Variants in MYO5C observed in about 807,000 individuals in gnomAD.
MYO5C encodes the protein myosin VC.
Under a neutral mutation model 235.7 loss-of-function variants are expected in MYO5C, and 194 were observed. The ratio of observed to expected loss-of-function variants is 0.82; its 90% CI spans 0.73 to 0.93. The LOEUF is 0.93. Ranked by LOEUF, MYO5C falls within the 40% of genes least tolerant of loss-of-function variation. The pLI is 0.00. For synonymous variants in MYO5C, 707 were observed against 754.8 expected, an observed-to-expected ratio of 0.94 and a Z score of 1.04; for missense variants, 2,038 against 2,127.2, an observed-to-expected ratio of 0.96 and a Z score of 0.82.
chr15:52,245,399 G>A lies in MYO5C; in HGVS notation c.2133C>T (p.Ser711=), dbSNP rs375020829. 27 of 1,614,048 alleles carry A rather than the reference G, an allele frequency of 1.7e-5. No individual in the cohort carries two copies. Among genetic ancestry groups the A allele is most frequent in the Non-Finnish European group, 2.3e-5 (27 of 1,180,026 alleles). Residue 711 remains serine (S), a synonymous_variant, in exon 18 of 41, where the codon AGC becomes AGT. Coordinates refer to ENST00000261839, the MANE Select transcript of MYO5C (RefSeq NM_018728.4). The part of the protein sequence containing the change: ...ILMTKQELSF[S]DKKEVCKVVL... Reference sequence around the variant, plus strand: ...CCACCTTGCACACCTCCTTTTTATCGCTGAAGGAAAGCTCTTGCTTGGTCA... The same window carrying A: ...CCACCTTGCACACCTCCTTTTTATCACTGAAGGAAAGCTCTTGCTTGGTCA...
At chr15:52,280,259 T>C (rs955726911) in intron 2 of MYO5C, among the ~76,000 whole-genome samples, 3 of 152,216 alleles carry the variant, frequency 2.0e-5, no homozygotes, top group African/African-American at 7.2e-5. Flanking sequence ...GTGTCTCCTG[T>C]CTGCAGTTGC....
At chr15:52,295,571 C>T (rs949689710) in intron 1 of MYO5C, 39 bp downstream of exon 1, 83 of 1,499,178 alleles carry the variant, frequency 5.5e-5, no homozygotes, top group Non-Finnish European at 6.7e-5. Context: ...AGGGCCGGCT[C>T]CCCCACAGCG....
intron 18 of MYO5C, 84 bp downstream of exon 18, chr15:52,245,270 C>A: frequency 1.1e-6 from 1 of 932,038 alleles, no homozygotes; most frequent in Non-Finnish European, 1.8e-6. Flanking sequence ...CAGTCCTGAG[C>A]ATTCAAGACA....
chr15:52,250,277 C>G (rs2036443564), intron 13 of MYO5C, among the ~76,000 whole-genome samples: 1 of 124,140 alleles, frequency 8.1e-6, no homozygotes, highest in Non-Finnish European at 1.6e-5. Flanking sequence ...GGGTCTCACT[C>G]TGTCAGCCAG....
intron 35 of MYO5C, 102 bp from the exon 36 acceptor site, chr15:52,208,745 T>C (rs1203900777): frequency 6.6e-6 from 6 of 911,962 alleles, no homozygotes; most frequent in Non-Finnish European, 1.0e-5. Context: ...AATTAGTTTT[T>C]CTTTTATTCA....
At chr15:52,258,928 C>A (rs2036635596) in intron 10 of MYO5C, among the ~76,000 whole-genome samples, 1 of 152,216 alleles carries the variant, frequency 6.6e-6, no homozygotes, top group Non-Finnish European at 1.5e-5. Flanking sequence ...ACTCCTTGCA[C>A]ATGGCTGCCC....
In MYO5C at chr15:52,271,745, AC is replaced by A. The variant is rs753605951; in HGVS notation, c.832+17del. 3 of 1,456,850 alleles carry A rather than the reference AC, an allele frequency of 2.1e-6. No individual in the cohort carries two copies. The highest frequency in any genetic ancestry group is 2.8e-6 in the Non-Finnish European group (3 of 1,071,938). 90.2% of individuals were successfully genotyped at this position (1,456,850 alleles called of 1,614,324 possible). A position where few individuals can be genotyped will look rare whatever the true frequency, so the allele number is the denominator to read the frequency against. ...CTCCATAAAAGAGAGACCCTTTCAT[AC>A]ACGATCCATCACATACCCAATTTAA... On this transcript the variant is annotated intron_variant, in intron 7 of 40. Coordinates refer to ENST00000261839, the MANE Select transcript of MYO5C (RefSeq NM_018728.4).
At position 52,275,583 on chromosome 15, in the gene MYO5C, C is replaced by G. The variant is rs771031771; in HGVS notation, c.585G>C (p.Leu195=). The stretch of plus-strand genomic sequence containing the variant: ...GCACCTCGGTGATGGGATTGGATGC[C>G]AGGACCTTGTCTTCCACGTGAGCGT... ...GSNAHVEDKV[L]ASNPITEAVG... is the part of the protein sequence containing the mutation. The change falls in exon 5 of 41, where the codon CTG becomes CTC. Residue 195 remains leucine, a synonymous_variant. Coordinates refer to ENST00000261839, the MANE Select transcript of MYO5C (RefSeq NM_018728.4). The G allele has an allele frequency of 6.2e-7, 1 of 1,614,194 alleles. No individual in the cohort carries two copies. Among genetic ancestry groups the G allele is most frequent in the South Asian group, 1.1e-5 (1 of 91,084 alleles).
intron 32 of MYO5C, among the ~76,000 whole-genome samples, chr15:52,216,802 A>G (rs2035564118): frequency 6.6e-6 from 1 of 152,156 alleles, no homozygotes; most frequent in Non-Finnish European, 1.5e-5. Flanking sequence ...AGAGGTGGCT[A>G]CTACAATTTA....
At chr15:52,222,843 G>A (rs553456051) in intron 29 of MYO5C, among the ~76,000 whole-genome samples, 37 of 152,288 alleles carry the variant, frequency 2.4e-4, no homozygotes, top group South Asian at 2.1e-4. Flanking sequence ...AGGAATGCAC[G>A]TCATGGAAGA....
At chr15:52,274,995 C>T (rs547519423) in intron 5 of MYO5C, among the ~76,000 whole-genome samples, 145 of 152,300 alleles carry the variant, frequency 9.5e-4, no homozygotes, top group African/African-American at 3.3e-3. Flanking sequence ...CCTCTTCTTC[C>T]TTGAGGGCTG....
chr15:52,214,565 T>G (rs779833659), intron 33 of MYO5C, 38 bp downstream of exon 33: 95 of 1,413,630 alleles, frequency 6.7e-5, no homozygotes, highest in Middle Eastern at 1.8e-4. Flanking sequence ...ATGTTAGCCT[T>G]AGCTCAAAAG....
In MYO5C at chr15:52,193,614, A is replaced by G; in HGVS notation, c.*288T>C. ...CCCTGCCACAAGACAGAACAGATCA[A>G]GAGGCACGTGGAAGAAAATATGAGC... is the stretch of plus-strand genomic sequence containing the variant. On this transcript the variant is annotated 3_prime_UTR_variant, in exon 41 of 41. Transcript: ENST00000261839. 1 of 354,760 alleles carries G rather than the reference A, an allele frequency of 2.8e-6. No homozygotes were observed. The highest frequency in any genetic ancestry group is 5.1e-6 in the Non-Finnish European group (1 of 194,708). The allele number at this position is 354,760 out of a possible 1,614,324, so 22.0% of individuals were successfully genotyped here.
chr15:52,200,076 G>A (rs2035151679), intron 38 of MYO5C, among the ~76,000 whole-genome samples: 1 of 152,158 alleles, frequency 6.6e-6, no homozygotes, highest in South Asian at 2.1e-4. Context: ...ACTGAACTAT[G>A]AAACATACCA....
In MYO5C at chr15:52,272,687, T is replaced by A; in HGVS notation, c.643A>T (p.Ser215Cys). The change falls in exon 6 of 41, where the codon AGT (serine) becomes TGT (cysteine). Residue 215 changes from serine to cysteine, a missense_variant. By Grantham distance (112) the Ser-to-Cys change is moderately radical (BLOSUM62 -1). Transcript: ENST00000261839. The part of the protein sequence containing the change: ...GNAKTTRNDN[S>C]SRFGKYTEIS... ...TCTGTGTATTTCCCAAACCGACTAC[T>A]ATTGTCATTGCGGGTGGTCTTGGCA... 1.2e-6 allele frequency: 2 copies of A among 1,614,152 alleles called. No homozygotes were observed. Among genetic ancestry groups the A allele is most frequent in the African/African-American group, 2.7e-5 (2 of 75,068 alleles).
rs977286918 is a variant in MYO5C, at chr15:52,205,144, G to C, written c.4541C>G (p.Pro1514Arg). 1.2e-6 allele frequency: 2 copies of C among 1,613,366 alleles called. No individual in the cohort carries two copies. Among genetic ancestry groups the C allele is most frequent in the Non-Finnish European group, 1.7e-6 (2 of 1,179,590 alleles). ...MEKNIQPIIV[P>R]GMLEYESLQG... ...CAGGCTCTCATACTCCAGCATTCCC[G>C]GAACTGCGGAGAGACAGGGAGGCTG... Residue 1514 changes from proline (P) to arginine (R), a missense_variant, in exon 38 of 41, where the codon CCG (proline) becomes CGG (arginine). Coordinates refer to ENST00000261839, the MANE Select transcript of MYO5C (RefSeq NM_018728.4).
intron 12 of MYO5C, 54 bp from the exon 13 acceptor site, chr15:52,251,569 G>C (rs904239006): frequency 8.0e-5 from 118 of 1,475,310 alleles, no homozygotes; most frequent in Non-Finnish European, 1.0e-4. Context: ...GATTCATACA[G>C]GTGAGGAAAA....
At chr15:52,218,434 A>C in intron 32 of MYO5C, 85 bp downstream of exon 32, 1 of 1,307,044 alleles carries the variant, frequency 7.7e-7, no homozygotes, top group Non-Finnish European at 1.1e-6. Flanking sequence ...ATAGATGTTA[A>C]TCATATGCTT....
intron 30 of MYO5C, 138 bp from the exon 31 acceptor site, chr15:52,219,960 A>C: frequency 3.2e-6 from 2 of 630,616 alleles, no homozygotes; most frequent in Non-Finnish European, 5.6e-6. Flanking sequence ...CCATATTGGA[A>C]GAAGAATTGT....
Sources: gnomAD v4.1 joint callset for allele counts (sites outside exome capture counted in the v4.1 genomes callset) on GRCh38, gnomAD v4.1.1 for gene constraint, MANE v1.5 for transcripts, NCBI Gene and HGNC (gene_info 2026-07-23, HGNC 2026-07-21) for gene names.